The following NDUFAF6 variants were observed in gnomAD, a reference collection of about 807,000 sequenced individuals.
NDUFAF6 encodes the protein NADH:ubiquinone oxidoreductase complex assembly factor 6.
A neutral mutation model predicts 40.8 loss-of-function variants in NDUFAF6; 45 were observed. The observed-to-expected ratio is 1.10, with a 90% confidence interval of 0.87 to 1.42. The LOEUF (loss-of-function observed/expected upper bound fraction) is 1.42. NDUFAF6 is among the 40% of genes most tolerant of loss of function. The probability of loss-of-function intolerance (pLI) is 0.00; values close to 1 mark genes in which losing one functional copy is unlikely to be tolerated. For missense variants in NDUFAF6, 435 were observed against 418.5 expected, an observed-to-expected ratio of 1.04 and a Z score of -0.34; for synonymous variants, 185 against 155.9, an observed-to-expected ratio of 1.19 and a Z score of -1.39.
upstream of NDUFAF6, among the ~76,000 whole-genome samples, chr8:95,023,906 G>C (rs1209928920): frequency 1.3e-5 from 2 of 151,542 alleles, no homozygotes; most frequent in Admixed American, 1.3e-4. Flanking sequence ...CGGGAGAATC[G>C]CTTGAACCCG....
intron 1 of NDUFAF6, among the ~76,000 whole-genome samples, chr8:95,029,547 G>A (rs1828587147): frequency 6.6e-6 from 1 of 152,142 alleles, no homozygotes; most frequent in Non-Finnish European, 1.5e-5. Context: ...TAATCCACAG[G>A]CCCCATTCAA....
chr8:95,006,416 T>C (rs1306892706), intron 2 of NDUFAF6, among the ~76,000 whole-genome samples: 1 of 151,816 alleles, frequency 6.6e-6, no homozygotes, highest in East Asian at 1.9e-4. Flanking sequence ...TCTGTAAGAC[T>C]TATCTTTCAA....
intron 2 of NDUFAF6, chr8:94,988,537 A>G (rs1826047702): frequency 6.6e-6 from 1 of 152,230 alleles, no homozygotes; most frequent in Non-Finnish European, 1.5e-5. Flanking sequence ...AAAGTGGGAA[A>G]AAATTCTCAA....
intron 1 of NDUFAF6, among the ~76,000 whole-genome samples, chr8:94,935,166 T>TAGATAGAC (rs1820857169): frequency 6.6e-6 from 1 of 151,304 alleles, no homozygotes; most frequent in Non-Finnish European, 1.5e-5. Flanking sequence ...GATAGATAGA[T>TAGATAGAC]AGATAGATAT....
At chr8:95,043,641 C>A (rs1227603403) in intron 4 of NDUFAF6, among the ~76,000 whole-genome samples, 2 of 152,132 alleles carry the variant, frequency 1.3e-5, no homozygotes, top group Non-Finnish European at 2.9e-5. Flanking sequence ...TGTTCAGCAT[C>A]TTTTCATTAG....
At chr8:94,958,683 C>T (rs954720680) in intron 1 of NDUFAF6, among the ~76,000 whole-genome samples, 10 of 151,806 alleles carry the variant, frequency 6.6e-5, no homozygotes, top group Admixed American at 3.3e-4. Flanking sequence ...TACAGGCACA[C>T]GCCACCATGT....
intron 4 of NDUFAF6, among the ~76,000 whole-genome samples, chr8:95,108,857 T>C (rs946856822): frequency 6.6e-6 from 1 of 152,272 alleles, no homozygotes; most frequent in East Asian, 1.9e-4. Flanking sequence ...CACAAAAGAA[T>C]TGAAAGCAGG....
At chr8:94,935,497 A>T (rs1286418431) in intron 1 of NDUFAF6, among the ~76,000 whole-genome samples, 1 of 152,254 alleles carries the variant, frequency 6.6e-6, no homozygotes, top group Non-Finnish European at 1.5e-5. Flanking sequence ...GGCAGAGATT[A>T]CAAGAAAAGT....
intron 2 of NDUFAF6, among the ~76,000 whole-genome samples, chr8:95,102,741 A>T (rs1198982588): frequency 6.6e-6 from 1 of 152,198 alleles, no homozygotes; most frequent in African/African-American, 2.4e-5. Flanking sequence ...TGGACACTGG[A>T]GAAGCAGCCA....
rs60473555 is a variant in NDUFAF6, at chr8:94,940,445, CTGTG to C, written c.-935-5016_-935-5013del. Among the ~76,000 whole-genome samples the C allele has an allele frequency of 7.4e-3, 1,114 of 150,468 alleles. 17 individuals carry two copies. The highest frequency in any genetic ancestry group is 0.032 in the Admixed American group (480 of 15,122). ...AAATTTATTTCTGAGCACAGAAATT[CTGTG>C]TGTGTGTGTGTGTGTGTGTGTCACT... On this transcript the variant is annotated intron_variant, in intron 1 of 14. Coordinates refer to the NDUFAF6 transcript ENST00000396113.
intron 8 of NDUFAF6, among the ~76,000 whole-genome samples, chr8:95,052,598 A>G (rs189531626): frequency 6.6e-6 from 1 of 152,332 alleles, no homozygotes; most frequent in Admixed American, 6.5e-5. Context: ...GCTTATAGCT[A>G]TATAAGTATT....
chr8:94,927,365 A>G (rs1312870921), intron 1 of NDUFAF6: 1 of 152,258 alleles, frequency 6.6e-6, no homozygotes, highest in Non-Finnish European at 1.5e-5. Flanking sequence ...AGAAGCAGAA[A>G]CAATGCTGAA....
intron 1 of NDUFAF6, among the ~76,000 whole-genome samples, chr8:95,026,587 T>C (rs1235287147): frequency 6.6e-6 from 1 of 152,204 alleles, no homozygotes; most frequent in East Asian, 1.9e-4. Context: ...AAAGCCAAAA[T>C]TGTGAAAAGA....
At chr8:94,958,395 C>G (rs987520999) in intron 1 of NDUFAF6, among the ~76,000 whole-genome samples, 1 of 152,054 alleles carries the variant, frequency 6.6e-6, no homozygotes, top group Non-Finnish European at 1.5e-5. Flanking sequence ...CCCACATGCT[C>G]TGCCTGTGTT....
At chr8:95,017,576 C>A (rs1428510437) in intron 2 of NDUFAF6, among the ~76,000 whole-genome samples, 1 of 152,166 alleles carries the variant, frequency 6.6e-6, no homozygotes, top group Non-Finnish European at 1.5e-5. Flanking sequence ...TTCTACCAAC[C>A]CTTAGGTGTT....
intron 2 of NDUFAF6, among the ~76,000 whole-genome samples, chr8:95,084,248 T>G (rs1453400323): frequency 6.6e-6 from 1 of 152,148 alleles, no homozygotes; most frequent in Non-Finnish European, 1.5e-5. Context: ...ATTTAATGAA[T>G]TTTTAAGTCC....
intron 4 of NDUFAF6, among the ~76,000 whole-genome samples, chr8:95,113,666 G>C (rs1810058440): frequency 6.6e-6 from 1 of 152,196 alleles, no homozygotes; most frequent in African/African-American, 2.4e-5. Context: ...TGTTAGGAAA[G>C]AGCAAAGACT....
intron 1 of NDUFAF6, among the ~76,000 whole-genome samples, chr8:94,898,815 G>A (rs1045575854): frequency 1.1e-4 from 17 of 152,058 alleles, no homozygotes; most frequent in South Asian, 2.1e-4. Context: ...TGCACTCATG[G>A]ATATTCGTTT....
intron 1 of NDUFAF6, chr8:94,931,992 T>C: frequency 1.4e-6 from 2 of 1,422,132 alleles, no homozygotes; most frequent in South Asian, 1.3e-5. Flanking sequence ...AGAAAGTCAT[T>C]TTTAAAAGGT....
Sources: allele counts gnomAD v4.1 joint callset (sites outside exome capture counted in the v4.1 genomes callset), GRCh38; gene constraint gnomAD v4.1.1; transcripts MANE v1.5; gene names NCBI Gene and HGNC (gene_info 2026-07-23, HGNC 2026-07-21).